The following CNTN6 variants were observed in gnomAD, a reference collection of about 807,000 sequenced individuals.
The protein encoded by CNTN6 is contactin-6.
Under a neutral mutation model 122.8 loss-of-function variants are expected in CNTN6, and 137 were observed. That is an observed-to-expected ratio of 1.12 (90% CI 0.97 to 1.29). The LOEUF is 1.29. Ranked by LOEUF, CNTN6 falls within the 50% of genes most tolerant of loss-of-function variation. CNTN6 has a pLI of 0.00. For synonymous variants in CNTN6, 570 were observed against 426.0 expected (o/e 1.34, Z -4.16); for missense variants, 1,634 against 1,223.4 (o/e 1.34, Z -5.01).
intron 12 of CNTN6, among the ~76,000 whole-genome samples, chr3:1,367,847 C>G (rs1483543249): frequency 1.3e-5 from 2 of 152,108 alleles, no homozygotes; most frequent in African/African-American, 4.8e-5. Context: ...GCAGCAAAGG[C>G]TGCAGGAAGC....
rs151016232 is a variant in CNTN6 at position 1,394,972 on chromosome 3, T to C, written c.2705-6461T>C. 4.5e-3 allele frequency among the ~76,000 whole-genome samples: 684 copies of C among 152,302 alleles called. 3 individuals carry two copies. The highest frequency in any genetic ancestry group is 0.015 in the African/African-American group (643 of 41,570). On this transcript the variant is annotated intron_variant, in intron 20 of 22. Transcript: ENST00000446702. ...ATAATCAGAAATTCTAAACTGAAGA[T>C]TAGCGTTCCTTTAAGTATTCAGCTT...
intron 1 of CNTN6, among the ~76,000 whole-genome samples, chr3:1,119,373 AGAT>A (rs945879407): frequency 5.0e-5 from 4 of 80,022 alleles, no homozygotes; most frequent in African/African-American, 2.0e-4. Flanking sequence ...TCTTTGGCCC[AGAT>A]AAACTCTTCG....
At chr3:1,285,579 A>G (rs1035044986) in intron 5 of CNTN6, among the ~76,000 whole-genome samples, 9 of 152,332 alleles carry the variant, frequency 5.9e-5, no homozygotes, top group East Asian at 3.9e-4. Context: ...AGCATTTGCA[A>G]TACTTCAACG....
chr3:1,134,195 C>T (rs1171254109), intron 1 of CNTN6, among the ~76,000 whole-genome samples: 2 of 152,120 alleles, frequency 1.3e-5, no homozygotes, highest in Admixed American at 6.6e-5. Flanking sequence ...TGGAAGTCGG[C>T]CTCCTCCTTT....
rs952395956 is a variant in CNTN6 at position 1,404,011 on chromosome 3, A to G, written c.*593A>G. The G allele has an allele frequency of 2.0e-5, 3 of 152,266 alleles. No homozygotes were observed. The highest frequency in any genetic ancestry group is 7.2e-5 in the African/African-American group (3 of 41,560). The allele number at this position is 152,266 out of a possible 1,614,324, so 9.4% of individuals were successfully genotyped here. A position where few individuals can be genotyped will look rare whatever the true frequency, so the allele number is the denominator to read the frequency against. ...AGATTCAGTCACAATAAAGGCAGAAAAAGTATTTTATGGCAAAGAAAAATA... is the reference window on the plus strand; with the variant it reads ...AGATTCAGTCACAATAAAGGCAGAAGAAGTATTTTATGGCAAAGAAAAATA... On this transcript the variant is annotated 3_prime_UTR_variant, in exon 23 of 23. Coordinates refer to ENST00000446702, the MANE Select transcript of CNTN6 (RefSeq NM_001289080.2).
intron 1 of CNTN6, among the ~76,000 whole-genome samples, chr3:1,112,598 A>G (rs1333624855): frequency 6.6e-6 from 1 of 152,098 alleles, no homozygotes; most frequent in Admixed American, 6.6e-5. Context: ...AGCTGATAGG[A>G]TTGTGCCCAC....
intron 4 of CNTN6, among the ~76,000 whole-genome samples, chr3:1,260,333 G>A (rs2094825114): frequency 6.6e-6 from 1 of 152,098 alleles, no homozygotes; most frequent in African/African-American, 2.4e-5. Context: ...GGCTCCATCA[G>A]TACTTACTAT....
At position 1,191,221 on chromosome 3, in the gene CNTN6, T is replaced by C. The variant is rs2093697587; in HGVS notation, c.56-29466T>C. Among the ~76,000 whole-genome samples, 3 of 152,196 alleles carry C rather than the reference T, an allele frequency of 2.0e-5. No individual in the cohort carries two copies. In the South Asian group the frequency reaches 6.2e-4, roughly 32 times the overall value. ...CCTGATTCCAGAGCTTGGAATTTCC[T>C]GGATCATAGGAGTGTCATTTGTTCT... On this transcript the variant is annotated intron_variant, in intron 2 of 22. Transcript: ENST00000446702.
chr3:1,097,136 T>G (rs980717770), intron 1 of CNTN6, among the ~76,000 whole-genome samples: 5 of 152,210 alleles, frequency 3.3e-5, no homozygotes, highest in Non-Finnish European at 5.9e-5. Context: ...TTTATTACGG[T>G]AAAGGCGTAA....
chr3:1,252,776 A>C (rs973107317), intron 4 of CNTN6, among the ~76,000 whole-genome samples: 9 of 152,148 alleles, frequency 5.9e-5, no homozygotes, highest in Non-Finnish European at 1.3e-4. Context: ...TCTCGAAGCA[A>C]ATAGAGGGTC....
At chr3:1,157,511 CT>C in intron 2 of CNTN6, among the ~76,000 whole-genome samples, 1 of 152,174 alleles carries the variant, frequency 6.6e-6, no homozygotes. Context: ...GCCACCACGC[CT>C]GGCCCTGTTA....
intron 18 of CNTN6, 22 bp from the exon 19 acceptor site, chr3:1,383,271 T>TATG: frequency 6.2e-7 from 1 of 1,604,470 alleles, no homozygotes. Context: ...TAAAGATGGT[T>TATG]ATGTCTTTCT....
At chr3:1,197,618 T>C (rs575414263) in intron 2 of CNTN6, among the ~76,000 whole-genome samples, 5 of 152,172 alleles carry the variant, frequency 3.3e-5, no homozygotes, top group Non-Finnish European at 5.9e-5. Flanking sequence ...GGTGATAAAA[T>C]AGCAAAATGT....
chr3:1,359,476 A>G (rs1350311935), intron 12 of CNTN6, among the ~76,000 whole-genome samples: 2 of 152,042 alleles, frequency 1.3e-5, no homozygotes, highest in African/African-American at 4.8e-5. Context: ...TAGTCTTTTA[A>G]TATTTATTCC....
At position 1,325,845 on chromosome 3, in the gene CNTN6, A is replaced by G. The variant is rs1312648800; in HGVS notation, c.977A>G (p.Asn326Ser). The change falls in exon 9 of 23, where the codon AAT becomes AGT. Residue 326 changes from asparagine to serine, a missense_variant. Transcript: ENST00000446702. ...CCAGAATGGGAACAGAAAATCCAAA[A>G]TACACACCTCTCTATCTATGACAAC... The part of the protein sequence containing the change: ...APPEWEQKIQ[N>S]THLSIYDNLL... The G allele has an allele frequency of 6.2e-7, 1 of 1,611,796 alleles. No individual in the cohort carries two copies. The highest frequency in any genetic ancestry group is 8.5e-7 in the Non-Finnish European group (1 of 1,178,646).
chr3:1,170,855 C>T (rs944750426), intron 2 of CNTN6, among the ~76,000 whole-genome samples: 7 of 152,206 alleles, frequency 4.6e-5, no homozygotes, highest in Non-Finnish European at 1.0e-4. Flanking sequence ...AGTTACAAAC[C>T]TTGCTTAGCA....
chr3:1,097,668 A>G (rs2090604375), intron 1 of CNTN6, among the ~76,000 whole-genome samples: 1 of 152,156 alleles, frequency 6.6e-6, no homozygotes, highest in African/African-American at 2.4e-5. Flanking sequence ...TTCCCCATTC[A>G]TAGTGGAGAT....
chr3:1,242,319 G>T (rs957284123), intron 4 of CNTN6, among the ~76,000 whole-genome samples: 5 of 152,126 alleles, frequency 3.3e-5, no homozygotes, highest in African/African-American at 1.2e-4. Flanking sequence ...GTGAGTTGTG[G>T]AGGAATGGAT....
At chr3:1,300,898 G>C (rs551468340) in intron 7 of CNTN6, among the ~76,000 whole-genome samples, 2 of 151,390 alleles carry the variant, frequency 1.3e-5, no homozygotes, top group African/African-American at 4.9e-5. Flanking sequence ...GGATATATGA[G>C]GTATGTGGAA....
Sources: allele counts gnomAD v4.1 joint callset (sites outside exome capture counted in the v4.1 genomes callset), GRCh38; gene constraint gnomAD v4.1.1; transcripts MANE v1.5; gene names NCBI Gene and HGNC (gene_info 2026-07-23, HGNC 2026-07-21).